The following SERINC1 variants were observed in gnomAD, a reference collection of about 807,000 sequenced individuals.
The protein encoded by SERINC1 is tumor differentially expressed protein 2.
SERINC1 carries 38 observed loss-of-function variants against 52.9 expected under a neutral mutation model. That is an observed-to-expected ratio of 0.72 (90% CI 0.55 to 0.94). SERINC1 has a LOEUF of 0.94. Among genes scored for constraint, SERINC1 ranks in the 40% least tolerant of loss-of-function variants. The pLI, the probability that SERINC1 is intolerant of heterozygous loss-of-function variation, is 0.00. For missense variants in SERINC1, 471 were observed against 533.9 expected, an observed-to-expected ratio of 0.88 and a Z score of 1.16; for synonymous variants, 198 against 183.1, an observed-to-expected ratio of 1.08 and a Z score of -0.66.
At chr6:122,464,013 C>T (rs1051796790) in intron 1 of SERINC1, among the ~76,000 whole-genome samples, 4 of 152,018 alleles carry the variant, frequency 2.6e-5, no homozygotes, top group South Asian at 2.1e-4. Flanking sequence ...TAAAAACATA[C>T]GGAGAATGAA....
intron 3 of SERINC1, among the ~76,000 whole-genome samples, chr6:122,455,531 C>G (rs530968698): frequency 7.4e-4 from 113 of 152,098 alleles, no homozygotes; most frequent in Non-Finnish European, 1.4e-3. Flanking sequence ...GCTCTCCTTG[C>G]TCCTCAGCTT....
At chr6:122,461,996 G>A (rs1775113438) in intron 1 of SERINC1, among the ~76,000 whole-genome samples, 1 of 151,964 alleles carries the variant, frequency 6.6e-6, no homozygotes, top group South Asian at 2.1e-4. Context: ...GTCAAAAACA[G>A]CAATATGAAA....
At chr6:122,449,787 C>A (rs937074351) in intron 7 of SERINC1, among the ~76,000 whole-genome samples, 9 of 152,162 alleles carry the variant, frequency 5.9e-5, no homozygotes, top group African/African-American at 2.2e-4. Flanking sequence ...GAGGCTGAGG[C>A]GGGTGGATCA....
At chr6:122,451,776 A>AAAAAAAAAAAAAAAATATAT in intron 6 of SERINC1, 22 bp from the exon 7 acceptor site, 7 of 113,068 alleles carry the variant, frequency 6.2e-5, no homozygotes, top group East Asian at 3.4e-4. Context: ...AAAAAAAAAA[A>AAAAAAAAAAAAAAAATATAT]ATATATATAT....
chr6:122,449,582 T>C (rs1193802970), intron 7 of SERINC1, among the ~76,000 whole-genome samples: 2 of 152,142 alleles, frequency 1.3e-5, no homozygotes, highest in Non-Finnish European at 2.9e-5. Context: ...AGAAGAAAAG[T>C]TTGAAACTAG....
chr6:122,469,447 G>C (rs1775238455), intron 1 of SERINC1, among the ~76,000 whole-genome samples: 1 of 151,624 alleles, frequency 6.6e-6, no homozygotes, highest in Non-Finnish European at 1.5e-5. Flanking sequence ...CGCCATCTTG[G>C]CTCACTGCAG....
chr6:122,447,027 G>C (rs917947918), intron 8 of SERINC1, 23 bp from the exon 9 acceptor site: 2 of 1,578,566 alleles, frequency 1.3e-6, no homozygotes, highest in Non-Finnish European at 1.7e-6. Context: ...GAGTTTAGGA[G>C]GAGAGAAAAA....
At chr6:122,456,413 G>T in intron 3 of SERINC1, 68 bp downstream of exon 3, 1 of 968,564 alleles carries the variant, frequency 1.0e-6, no homozygotes. Flanking sequence ...AAGTTTCCTT[G>T]GATAAACTGG....
At chr6:122,453,737 C>CTA (rs553671339) in intron 5 of SERINC1, 33 bp downstream of exon 5, 829 of 1,534,936 alleles carry the variant, frequency 5.4e-4, no homozygotes, top group Non-Finnish European at 7.0e-4. Flanking sequence ...CAAAGTTCAA[C>CTA]TATACTGAAG....
intron 1 of SERINC1, among the ~76,000 whole-genome samples, chr6:122,463,095 G>A (rs985305490): frequency 3.9e-5 from 6 of 152,196 alleles, no homozygotes; most frequent in African/African-American, 1.4e-4. Flanking sequence ...GAGTGATATA[G>A]GGAAAAGGGT....
chr6:122,446,783 T>G lies in SERINC1; in HGVS notation c.1217A>C (p.Asn406Thr). 1 of 1,601,004 alleles carries G rather than the reference T, an allele frequency of 6.2e-7. No homozygotes were observed. The highest frequency in any genetic ancestry group is 1.1e-5 in the South Asian group (1 of 90,802). ...CATGAAATATAAATACCTGTACCAG[T>G]TGGTAAGGGTCATCATGATATAAAG... Reference protein sequence around the residue: ...ASLYIMMTLTNWYRYEPSREM... With the variant: ...ASLYIMMTLTTWYRYEPSREM... The change falls in exon 9 of 10, where the codon AAC becomes ACC. Residue 406 changes from asparagine to threonine, a missense_variant. Transcript: ENST00000339697.
At chr6:122,465,669 TGA>T (rs1775178454) in intron 1 of SERINC1, among the ~76,000 whole-genome samples, 1 of 152,160 alleles carries the variant, frequency 6.6e-6, no homozygotes, top group South Asian at 2.1e-4. Flanking sequence ...ACCAAGCTCT[TGA>T]GTGTCCCACT....
chr6:122,456,737 G>C (rs1037498826), intron 2 of SERINC1, 87 bp from the exon 3 acceptor site: 1 of 1,026,154 alleles, frequency 9.7e-7, no homozygotes, highest in Non-Finnish European at 1.4e-6. Context: ...TTTAAGTAAA[G>C]GTTTAGAAAA....
At chr6:122,448,724 T>C (rs1562212810) in intron 7 of SERINC1, among the ~76,000 whole-genome samples, 1 of 152,032 alleles carries the variant, frequency 6.6e-6, no homozygotes, top group South Asian at 2.1e-4. Flanking sequence ...GCAAATCAGA[T>C]ACCTTTCTTA....
intron 5 of SERINC1, among the ~76,000 whole-genome samples, chr6:122,452,998 C>T (rs1048177624): frequency 2.8e-4 from 42 of 152,252 alleles, no homozygotes; most frequent in African/African-American, 9.9e-4. Context: ...AGATTTATGA[C>T]TTCTTTTGAA....
chr6:122,446,348 TG>T (rs1221836679), intron 9 of SERINC1, among the ~76,000 whole-genome samples: 4 of 152,148 alleles, frequency 2.6e-5, no homozygotes, highest in African/African-American at 9.6e-5. Flanking sequence ...AATTGTGGCT[TG>T]TAAGAATTCT....
At chr6:122,464,350 C>T (rs906973060) in intron 1 of SERINC1, among the ~76,000 whole-genome samples, 1 of 151,942 alleles carries the variant, frequency 6.6e-6, no homozygotes, top group Non-Finnish European at 1.5e-5. Context: ...AAGAAAAATT[C>T]CTTAGATGGA....
rs72958534 is a variant in SERINC1 at position 122,464,561 on chromosome 6, G to A, written c.40-5880C>T. ...ACCAGGCTGATATAAGACAGAATAC[G>A]AAAGAGAAATAACTACAAAGTTCTG... On this transcript the variant is annotated intron_variant, in intron 1 of 9. Transcript: ENST00000339697. Among the ~76,000 whole-genome samples, 892 of 152,222 alleles carry A rather than the reference G, an allele frequency of 5.9e-3. 2 individuals are homozygous for A. The highest frequency in any genetic ancestry group is 0.014 in the Middle Eastern group (4 of 294).
chr6:122,458,490 G>C, intron 2 of SERINC1, 30 bp downstream of exon 2: 1 of 1,547,534 alleles, frequency 6.5e-7, no homozygotes. Context: ...TATAGCCTCA[G>C]TTAATCAATA....
Sources: gnomAD v4.1 joint callset for allele counts (sites outside exome capture counted in the v4.1 genomes callset) on GRCh38, gnomAD v4.1.1 for gene constraint, MANE v1.5 for transcripts, NCBI Gene and HGNC (gene_info 2026-07-23, HGNC 2026-07-21) for gene names.